SEMA3F: variants seen among roughly 807,000 people sequenced by gnomAD.
SEMA3F encodes semaphorin 3F.
Under a neutral mutation model 98.5 loss-of-function variants are expected in SEMA3F, and 30 were observed. The observed-to-expected ratio is 0.30, with a 90% CI of 0.23 to 0.41. The LOEUF is 0.41. Ranked by LOEUF, SEMA3F falls within the 10% of genes least tolerant of loss-of-function variation. SEMA3F has a pLI of 1.00. For synonymous variants in SEMA3F, 380 were observed against 444.8 expected (o/e 0.85, Z 1.83); for missense variants, 866 against 1,119.3 (o/e 0.77, Z 3.23).
rs182331611 is a variant in SEMA3F, at chr3:50,169,461, T to C, written c.113-4332T>C. On this transcript the variant is annotated intron_variant, in intron 2 of 18. Coordinates refer to ENST00000002829, the MANE Select transcript of SEMA3F (RefSeq NM_004186.5). ...TGAGGTGTCTGATGCCAGAAAAGGC[T>C]CTTCCTTCCCGATGATGGGAAAATC... 4.4e-3 allele frequency among the ~76,000 whole-genome samples: 676 copies of C among 152,206 alleles called. 10 individuals carry two copies. The highest frequency in any genetic ancestry group is 0.015 in the African/African-American group (625 of 41,506).
rs900993482 is a variant in SEMA3F at position 50,166,474 on chromosome 3, G to A, written c.112+6740G>A. 2.6e-5 allele frequency among the ~76,000 whole-genome samples: 4 copies of A among 152,156 alleles called. No individual in the cohort carries two copies. Among genetic ancestry groups the A allele is most frequent in the African/African-American group, 9.7e-5 (4 of 41,432 alleles). The stretch of plus-strand genomic sequence containing the variant: ...TCCTGGCTGGGCCTGGGGCCTGTGC[G>A]GAGTGCTCACTGCCTGCCCTTGACT... On this transcript the variant is annotated intron_variant, in intron 2 of 18. Coordinates refer to ENST00000002829, the MANE Select transcript of SEMA3F (RefSeq NM_004186.5). The surrounding 1 kb of genome is among the most constrained non-coding windows in gnomAD (Gnocchi z 4.7).
chr3:50,162,916 G>A lies in SEMA3F; in HGVS notation c.112+3182G>A, dbSNP rs3774739. Among the ~76,000 whole-genome samples the A allele has an allele frequency of 0.054, 8,192 of 152,266 alleles. 1,576 individuals are homozygous for A. The East Asian group carries it at 0.61, about 11-fold the overall frequency. ...AGGAAAGATGAACATAATCGAAATA[G>A]TAGTAGGAGCCCATGAGGATAACCA... On this transcript the variant is annotated intron_variant, in intron 2 of 18. Transcript: ENST00000002829.
intron 2 of SEMA3F, chr3:50,173,511 T>C: frequency 7.3e-6 from 3 of 409,720 alleles, no homozygotes; most frequent in East Asian, 4.4e-5. Flanking sequence ...GTGTGGTGGC[T>C]GACGCCTGTA....
intron 2 of SEMA3F, among the ~76,000 whole-genome samples, chr3:50,169,623 C>T (rs1406534938): frequency 6.6e-6 from 1 of 152,172 alleles, no homozygotes; most frequent in African/African-American, 2.4e-5. Flanking sequence ...GGCTGGAGTC[C>T]TGATCCCCAC....
At chr3:50,168,757 A>G (rs1030717345) in intron 2 of SEMA3F, among the ~76,000 whole-genome samples, 1 of 152,062 alleles carries the variant, frequency 6.6e-6, no homozygotes, top group Non-Finnish European at 1.5e-5. Context: ...CTGTGGGGGT[A>G]TCCGGTAGGG....
intron 7 of SEMA3F, among the ~76,000 whole-genome samples, chr3:50,177,670 G>A (rs976383545): frequency 2.0e-5 from 3 of 152,206 alleles, no homozygotes; most frequent in Non-Finnish European, 4.4e-5. Context: ...TATGTTAGAG[G>A]CAAGTACATT....
In SEMA3F at chr3:50,188,237, GAC is replaced by G. The variant is rs1400165904; in HGVS notation, c.*124_*125del. On this transcript the variant is annotated 3_prime_UTR_variant, in exon 19 of 19. Transcript: ENST00000002829. The surrounding 1 kb of genome is among the most constrained non-coding windows in gnomAD (Gnocchi z 4.5). The stretch of plus-strand genomic sequence containing the variant: ...TCTATACACACCCTGCCCCTGCAAA[GAC>G]AGTATTTATTGGTGGGTTGAATATA... 1 of 353,836 alleles carries G rather than the reference GAC, an allele frequency of 2.8e-6. No individual in the cohort carries two copies. Among genetic ancestry groups the G allele is most frequent in the African/African-American group, 2.1e-5 (1 of 46,640 alleles). The allele number at this position is 353,836 out of a possible 1,614,324, so 21.9% of individuals were successfully genotyped here. A position where few individuals can be genotyped will look rare whatever the true frequency, so the allele number is the denominator to read the frequency against.
rs941036489 is a variant in SEMA3F, at chr3:50,185,940, C to T, written c.1639C>T (p.Arg547Cys). The T allele has an allele frequency of 3.7e-6, 6 of 1,613,998 alleles. No homozygotes were observed. The highest frequency in any genetic ancestry group is 2.2e-5 in the South Asian group (2 of 91,086). ...GGGTGTCACACACCTGAGCCTGCAC[C>T]GCTGCCAGGCGTATGGGGCTGCCTG... ...AVGVTHLSLH[R>C]CQAYGAACAD... The change falls in exon 16 of 19, where the codon CGC becomes TGC. Residue 547 changes from arginine to cysteine, a missense_variant. Physicochemically the swap from Arg to Cys is radical, Grantham distance 180 (BLOSUM62 -3). Coordinates refer to ENST00000002829, the MANE Select transcript of SEMA3F (RefSeq NM_004186.5).
chr3:50,175,153 G>A lies in SEMA3F; in HGVS notation c.514G>A (p.Gly172Ser), dbSNP rs1188775526. ...VRGRGSRATD[G>S]ALRPMPTAPR... is the part of the protein sequence containing the mutation. ...AGGCCGCGGCAGCAGAGCCACGGAT[G>A]GTGCCCTCCGCCCGATGCCCACAGC... Residue 172 changes from glycine (G) to serine (S), a missense_variant, in exon 6 of 19, where the codon GGT becomes AGT. Around this residue, in one of 3 missense-constraint regions of SEMA3F, gnomAD observed 247 missense variants for 276.0 expected, o/e 0.89. Coordinates refer to ENST00000002829, the MANE Select transcript of SEMA3F (RefSeq NM_004186.5). 5 of 1,608,142 alleles carry A rather than the reference G, an allele frequency of 3.1e-6. No homozygotes were observed. Among genetic ancestry groups the A allele is most frequent in the African/African-American group, 2.7e-5 (2 of 74,790 alleles).
upstream of SEMA3F, chr3:50,155,316 G>GCCT: frequency 3.2e-6 from 1 of 309,260 alleles, no homozygotes; most frequent in Non-Finnish European, 5.9e-6. The surrounding 1 kb of genome is among the most constrained non-coding windows in gnomAD (Gnocchi z 4.9). Context: ...CCCAGGGGAG[G>GCCT]CGGCCCCGAG....
Position 50,183,431 on chromosome 3 carries a change from G to A in SEMA3F, c.1100G>A (p.Arg367Gln), listed in dbSNP as rs1455414579. Residue 367 changes from arginine (R) to glutamine (Q), a missense_variant, in exon 12 of 19, where the codon CGA becomes CAA. Arg to Gln is a conservative substitution (Grantham distance 43, BLOSUM62 1). Around this residue, in one of 3 missense-constraint regions of SEMA3F, gnomAD observed 374 missense variants for 582.8 expected, o/e 0.64. Transcript: ENST00000002829. ...TGCCATGCCCACAGCTCCGTGTTCC[G>A]AGGCTCTGCCGTGTGTGTCTACTCC... ...AVFTSSGSVF[R>Q]GSAVCVYSMA... 5 of 1,613,924 alleles carry A rather than the reference G, an allele frequency of 3.1e-6. No homozygotes were observed. Among genetic ancestry groups the A allele is most frequent in the Non-Finnish European group, 4.2e-6 (5 of 1,180,016 alleles).
chr3:50,168,950 C>T (rs567306036), intron 2 of SEMA3F, among the ~76,000 whole-genome samples: 50 of 152,192 alleles, frequency 3.3e-4, no homozygotes, highest in Non-Finnish European at 5.1e-4. Flanking sequence ...ATTAGGGCTG[C>T]ACTGGCTCAC....
Position 50,173,914 on chromosome 3 carries a change from G to C in SEMA3F, c.234G>C (p.Leu78=). The change falls in exon 3 of 19, where the codon CTG becomes CTC. Residue 78 remains leucine, a synonymous_variant. Transcript: ENST00000002829. The stretch of plus-strand genomic sequence containing the variant: ...ACGTGGGCAGCAAGGACTACGTGCT[G>C]TCCCTGGACCTGCACGACATCAACC... ...RMYVGSKDYV[L]SLDLHDINRE... is the part of the protein sequence containing the mutation. The C allele has an allele frequency of 6.2e-7, 1 of 1,614,168 alleles. No homozygotes were observed.
At chr3:50,161,434 C>G (rs1022216874) in intron 2 of SEMA3F, among the ~76,000 whole-genome samples, 1 of 152,216 alleles carries the variant, frequency 6.6e-6, no homozygotes, top group Non-Finnish European at 1.5e-5. Flanking sequence ...GCGCCCACAT[C>G]GCGTCAGGTC....
In SEMA3F at chr3:50,185,131, G is replaced by A. The variant is rs550926591; in HGVS notation, c.1457-312G>A. Among the ~76,000 whole-genome samples, 9 of 152,298 alleles carry A rather than the reference G, an allele frequency of 5.9e-5. No homozygotes were observed. In the East Asian group the frequency reaches 9.6e-4, roughly 16 times the overall value. On this transcript the variant is annotated intron_variant, in intron 13 of 18. Coordinates refer to ENST00000002829, the MANE Select transcript of SEMA3F (RefSeq NM_004186.5). The stretch of plus-strand genomic sequence containing the variant: ...GGATACAGAGGCCATACACATGCTC[G>A]TGTGTGCACACACATGCCACAGTGC...
chr3:50,187,921 C>T lies in SEMA3F; in HGVS notation c.2164C>T (p.Pro722Ser), dbSNP rs1699293238. ...MSAPPPPGAG[P>S]PTPPYQELAQ... ...CGCCCCGCCACCCCCAGGCGCAGGCCCCCCAACGCCTCCTTACCAGGAGTT... is the reference window on the plus strand; with the variant it reads ...CGCCCCGCCACCCCCAGGCGCAGGCTCCCCAACGCCTCCTTACCAGGAGTT... The change falls in exon 19 of 19, where the codon CCC (proline) becomes TCC (serine). Residue 722 changes from proline to serine, a missense_variant. Physicochemically the swap from Pro to Ser is moderately conservative, Grantham distance 74. This residue lies in a region of SEMA3F where 245 missense variants were observed against 260.5 expected (regional missense o/e 0.94). Coordinates refer to ENST00000002829, the MANE Select transcript of SEMA3F (RefSeq NM_004186.5). 1.2e-6 allele frequency: 2 copies of T among 1,607,724 alleles called. No individual in the cohort carries two copies. The highest frequency in any genetic ancestry group is 1.7e-6 in the Non-Finnish European group (2 of 1,176,854).
rs544660530 is a variant in SEMA3F at position 50,183,732 on chromosome 3, G to A, written c.1233+168G>A. The A allele has an allele frequency of 2.0e-3, 1,437 of 719,412 alleles. 7 individuals are homozygous for A. Among genetic ancestry groups the A allele is most frequent in the South Asian group, 6.4e-3 (340 of 53,524 alleles). 44.6% of individuals were successfully genotyped at this position (719,412 alleles called of 1,614,324 possible). A position where few individuals can be genotyped will look rare whatever the true frequency, so the allele number is the denominator to read the frequency against. On this transcript the variant is annotated intron_variant, in intron 12 of 18. Transcript: ENST00000002829. ...TTCACACACAGTGTCAAGCTGTGGAGGAGCCCAGATGGGATTCTGGGACAA... is the reference window on the plus strand; with the variant it reads ...TTCACACACAGTGTCAAGCTGTGGAAGAGCCCAGATGGGATTCTGGGACAA...
In SEMA3F at chr3:50,184,714, C is replaced by G; in HGVS notation, c.1356C>G (p.Pro452=). 6.2e-7 allele frequency: 1 copy of G among 1,614,136 alleles called. No homozygotes were observed. Among genetic ancestry groups the G allele is most frequent in the Non-Finnish European group, 8.5e-7 (1 of 1,179,966 alleles). ...YQAVYPLQRR[P]LVVRTGAPYR... is the part of the protein sequence containing the mutation. ...CCGTGTACCCTCTGCAGCGGCGGCC[C>G]CTGGTAGTCCGCACAGGTGCTCCCT... Residue 452 remains proline (P), a synonymous_variant, in exon 13 of 19, where the codon CCC becomes CCG. Coordinates refer to ENST00000002829, the MANE Select transcript of SEMA3F (RefSeq NM_004186.5).
In SEMA3F at chr3:50,185,489, G is replaced by A. The variant is rs1336581784; in HGVS notation, c.1503G>A (p.Gln501=). 1.9e-6 allele frequency: 3 copies of A among 1,613,896 alleles called. No homozygotes were observed. The change falls in exon 14 of 19, where the codon CAG becomes CAA. Residue 501 remains glutamine (Q), a synonymous_variant. Transcript: ENST00000002829. ...QKVIVLPKDD[Q]ELEELMLEEV... is the part of the protein sequence containing the mutation. ...TCATTGTGCTGCCCAAGGATGACCA[G>A]GAGTTGGAGGAGCTCATGCTGGAGG...
Sources: gnomAD v4.1 joint callset for allele counts (sites outside exome capture counted in the v4.1 genomes callset) on GRCh38, gnomAD v4.1.1 for gene constraint, gnomAD v4.1.1 regional missense constraint, Gnocchi (gnomAD v3.1) non-coding constraint, MANE v1.5 for transcripts, NCBI Gene and HGNC (gene_info 2026-07-23, HGNC 2026-07-21) for gene names.